The following ITGB3BP variants were observed in gnomAD, a reference collection of about 807,000 sequenced individuals.
ITGB3BP encodes the protein integrin subunit beta 3 binding protein.
Under a neutral mutation model 29.1 loss-of-function variants are expected in ITGB3BP, and 27 were observed. The observed-to-expected ratio is 0.93, with a 90% CI of 0.68 to 1.28. The LOEUF (loss-of-function observed/expected upper bound fraction) is 1.28, where lower values mean the gene tolerates loss of function less well. Ranked by LOEUF, ITGB3BP falls within the 50% of genes most tolerant of loss-of-function variation. ITGB3BP has a pLI of 0.00. For synonymous variants in ITGB3BP, 61 were observed against 61.4 expected (o/e 0.99, Z 0.03); for missense variants, 192 against 200.2 (o/e 0.96, Z 0.25).
At chr1:63,528,986 T>G (rs1402238462) in intron 2 of ITGB3BP, 1 of 152,152 alleles carries the variant, frequency 6.6e-6, no homozygotes. Context: ...ACAACTTCAT[T>G]TACATCTACT....
chr1:63,476,704 G>A (rs1570203732), intron 4 of ITGB3BP, among the ~76,000 whole-genome samples: 1 of 152,222 alleles, frequency 6.6e-6, no homozygotes, highest in East Asian at 1.9e-4. Flanking sequence ...TTGATTATCT[G>A]GTATCACTTT....
intron 1 of ITGB3BP, 60 bp downstream of exon 1, chr1:63,523,069 A>G: frequency 6.3e-7 from 1 of 1,599,552 alleles, no homozygotes; most frequent in Non-Finnish European, 8.6e-7. Flanking sequence ...GGGCCACATA[A>G]TATCTTCTCT....
intron 2 of ITGB3BP, among the ~76,000 whole-genome samples, chr1:63,505,579 C>T (rs1001981345): frequency 3.3e-5 from 5 of 152,014 alleles, no homozygotes; most frequent in East Asian, 1.9e-4. Context: ...GCTCTTGCTT[C>T]TCTAGTTCTT....
intron 3 of ITGB3BP, among the ~76,000 whole-genome samples, chr1:63,484,388 A>C (rs1384300867): frequency 3.3e-5 from 5 of 152,104 alleles, no homozygotes; most frequent in Admixed American, 1.3e-4. Flanking sequence ...TAAAGCTTCC[A>C]CCAAGAACTG....
intron 2 of ITGB3BP, among the ~76,000 whole-genome samples, chr1:63,496,797 A>G (rs749308430): frequency 6.6e-5 from 10 of 152,216 alleles, no homozygotes; most frequent in African/African-American, 9.7e-5. Flanking sequence ...TTGTCCCATG[A>G]CTTGATCTCA....
At chr1:63,448,072 T>C (rs1196580349) in intron 7 of ITGB3BP, among the ~76,000 whole-genome samples, 7 of 149,664 alleles carry the variant, frequency 4.7e-5, no homozygotes, top group African/African-American at 1.2e-4. Context: ...AGTAAACTAT[T>C]GCAAGGACAA....
intron 3 of ITGB3BP, 23 bp downstream of exon 3, chr1:63,490,060 G>A (rs1274079058): frequency 3.1e-6 from 5 of 1,599,660 alleles, no homozygotes; most frequent in Non-Finnish European, 3.4e-6. Flanking sequence ...CTTACAATAA[G>A]TAGAAAAGAA....
intron 7 of ITGB3BP, 62 bp downstream of exon 7, chr1:63,453,856 T>C (rs1644895056): frequency 2.0e-6 from 2 of 985,214 alleles, no homozygotes; most frequent in African/African-American, 3.2e-5. Flanking sequence ...TGATGATTAG[T>C]TTTAATTGGC....
intron 4 of ITGB3BP, among the ~76,000 whole-genome samples, chr1:63,470,314 T>C (rs1645174177): frequency 6.6e-6 from 1 of 152,158 alleles, no homozygotes; most frequent in South Asian, 2.1e-4. Flanking sequence ...CAAGACTTCA[T>C]TTACATGAGA....
At chr1:63,490,285 C>A in intron 2 of ITGB3BP, 67 bp from the exon 3 acceptor site, 1 of 1,180,640 alleles carries the variant, frequency 8.5e-7, no homozygotes. Flanking sequence ...AAATTATATA[C>A]CATTAAAAAA....
intron 2 of ITGB3BP, among the ~76,000 whole-genome samples, chr1:63,497,482 A>C (rs949610299): frequency 9.9e-5 from 15 of 152,218 alleles, no homozygotes; most frequent in African/African-American, 3.6e-4. Flanking sequence ...TACCTGCCGT[A>C]AAAGCACTAT....
intron 1 of ITGB3BP, among the ~76,000 whole-genome samples, chr1:63,509,814 A>G (rs574326201): frequency 6.6e-6 from 1 of 152,328 alleles, no homozygotes; most frequent in African/African-American, 2.4e-5. Context: ...AAATGCAGAT[A>G]ATTTTTTAAA....
chr1:63,502,846 T>A (rs184831518), intron 2 of ITGB3BP, among the ~76,000 whole-genome samples: 1 of 152,176 alleles, frequency 6.6e-6, no homozygotes, highest in South Asian at 2.1e-4. Flanking sequence ...CATGAACTCA[T>A]CATTTTTTAT....
intron 7 of ITGB3BP, among the ~76,000 whole-genome samples, chr1:63,450,690 C>A (rs1195348173): frequency 6.6e-6 from 1 of 151,892 alleles, no homozygotes; most frequent in East Asian, 1.9e-4. Context: ...CCTTTCATTT[C>A]ATTATTTTCC....
At chr1:63,493,082 ACACACACGCG>A (rs1233440601) in intron 2 of ITGB3BP, among the ~76,000 whole-genome samples, 1 of 139,234 alleles carries the variant, frequency 7.2e-6, no homozygotes, top group Non-Finnish European at 1.6e-5. Flanking sequence ...ACACACACAC[ACACACACGCG>A]CGCGCGCGCA....
At chr1:63,517,416 T>A (rs1646358207) in intron 1 of ITGB3BP, among the ~76,000 whole-genome samples, 1 of 151,284 alleles carries the variant, frequency 6.6e-6, no homozygotes, top group African/African-American at 2.4e-5. Flanking sequence ...AAATAAAAAA[T>A]AAATAAAAAT....
At chr1:63,512,826 T>C (rs567585502) in intron 1 of ITGB3BP, among the ~76,000 whole-genome samples, 1 of 152,332 alleles carries the variant, frequency 6.6e-6, no homozygotes, top group East Asian at 1.9e-4. Context: ...TTACTGAGTA[T>C]GCTTGTGAGA....
At chr1:63,457,654 T>G (rs1644954512) in intron 4 of ITGB3BP, 1 of 152,204 alleles carries the variant, frequency 6.6e-6, no homozygotes. Context: ...GTATCATCAT[T>G]GGGTGCCATT....
Position 63,523,120 on chromosome 1 carries a change from G to A in ITGB3BP, c.5+9C>T, listed in dbSNP as rs1428898251. ...CCAAAACAGCAATACCTGGGGAGGA[G>A]ATACCTACGGCATTCTGAGATTCGG... is the stretch of plus-strand genomic sequence containing the variant. On this transcript the variant is annotated intron_variant, in intron 1 of 8. Transcript: ENST00000271002. 1.2e-6 allele frequency: 2 copies of A among 1,614,142 alleles called. No homozygotes were observed. Among genetic ancestry groups the A allele is most frequent in the East Asian group, 2.2e-5 (1 of 44,884 alleles).
Sources: allele counts gnomAD v4.1 joint callset (sites outside exome capture counted in the v4.1 genomes callset), GRCh38; gene constraint gnomAD v4.1.1; transcripts MANE v1.5; gene names NCBI Gene and HGNC (gene_info 2026-07-23, HGNC 2026-07-21).